The following CLSTN2 variants were observed in gnomAD, a reference collection of about 807,000 sequenced individuals.
CLSTN2 encodes calsyntenin 2.
In CLSTN2, 48 loss-of-function variants were observed where a neutral mutation model predicts 101.2. That is an observed-to-expected ratio of 0.47 (90% confidence interval 0.38 to 0.60). The LOEUF (loss-of-function observed/expected upper bound fraction) is 0.60, where lower values mean the gene tolerates loss of function less well. CLSTN2 is among the 20% of genes least tolerant of loss of function. The pLI, the probability that CLSTN2 is intolerant of heterozygous loss-of-function variation, is 0.00. For missense variants in CLSTN2, 1,160 were observed against 1,238.2 expected (o/e 0.94, Z 0.95); for synonymous variants, 481 against 463.6 (o/e 1.04, Z -0.48).
intron 2 of CLSTN2, among the ~76,000 whole-genome samples, chr3:140,339,309 TTC>T (rs111720072): frequency 6.5e-4 from 97 of 148,768 alleles, no homozygotes; most frequent in Non-Finnish European, 7.6e-4. Context: ...AGCAGACTGA[TTC>T]TCTCTCTCTC....
chr3:140,526,591 CAAACAA>C (rs1576612173), intron 8 of CLSTN2, among the ~76,000 whole-genome samples: 2 of 115,770 alleles, frequency 1.7e-5, no homozygotes, highest in African/African-American at 6.7e-5. Flanking sequence ...AACAAACAAA[CAAACAA>C]AAAAAAAAAA....
At chr3:140,416,787 C>A (rs757988734) in intron 4 of CLSTN2, among the ~76,000 whole-genome samples, 1 of 152,212 alleles carries the variant, frequency 6.6e-6, no homozygotes, top group Non-Finnish European at 1.5e-5. Context: ...GGTAGGCTCT[C>A]AACGACACCC....
chr3:140,261,714 G>A (rs1409341655), intron 2 of CLSTN2, among the ~76,000 whole-genome samples: 2 of 152,142 alleles, frequency 1.3e-5, no homozygotes, highest in Non-Finnish European at 2.9e-5. Flanking sequence ...GTGTGTGTGT[G>A]TTACTATCTG....
At chr3:140,254,614 T>C (rs6782976) in intron 2 of CLSTN2, among the ~76,000 whole-genome samples, 23,193 of 152,046 alleles carry the variant, frequency 0.15, 3,881 homozygotes, top group African/African-American at 0.42. Context: ...GTGAGAAAAT[T>C]TAGGCATACA....
At chr3:140,154,285 G>A (rs1447981571) in intron 1 of CLSTN2, among the ~76,000 whole-genome samples, 1 of 152,076 alleles carries the variant, frequency 6.6e-6, no homozygotes, top group Admixed American at 6.5e-5. Flanking sequence ...CTGGTTGGGG[G>A]AACATCTAGT....
chr3:140,289,863 A>G (rs1345444877), intron 2 of CLSTN2, among the ~76,000 whole-genome samples: 1 of 151,814 alleles, frequency 6.6e-6, no homozygotes, highest in Non-Finnish European at 1.5e-5. Flanking sequence ...AAAATATAAA[A>G]TTTTATAAGG....
At chr3:140,042,296 A>G (rs2007776071) in intron 1 of CLSTN2, among the ~76,000 whole-genome samples, 1 of 152,124 alleles carries the variant, frequency 6.6e-6, no homozygotes, top group African/African-American at 2.4e-5. Context: ...AGTTATCCAT[A>G]TTGAGTATTG....
At chr3:140,470,801 T>C (rs1203170055) in intron 8 of CLSTN2, among the ~76,000 whole-genome samples, 1 of 152,142 alleles carries the variant, frequency 6.6e-6, no homozygotes, top group Non-Finnish European at 1.5e-5. Flanking sequence ...ATGGAGCCGG[T>C]GGCAGGGGCT....
chr3:139,952,790 A>G (rs1020002833), intron 1 of CLSTN2, among the ~76,000 whole-genome samples: 1 of 152,154 alleles, frequency 6.6e-6, no homozygotes, highest in African/African-American at 2.4e-5. Flanking sequence ...GATTATATTA[A>G]GGTCCCAACA....
intron 4 of CLSTN2, among the ~76,000 whole-genome samples, chr3:140,411,158 C>G (rs2088358604): frequency 6.6e-6 from 1 of 152,012 alleles, no homozygotes. Context: ...AAACAAGACC[C>G]AACTATATGA....
chr3:140,317,821 GT>G (rs1464280543), intron 2 of CLSTN2, among the ~76,000 whole-genome samples: 1 of 152,146 alleles, frequency 6.6e-6, no homozygotes, highest in East Asian at 1.9e-4. Context: ...GCCTCCCCCA[GT>G]TTTGTAATTT....
chr3:140,068,349 C>T (rs1488625809), intron 1 of CLSTN2, among the ~76,000 whole-genome samples: 8 of 152,152 alleles, frequency 5.3e-5, no homozygotes, highest in Non-Finnish European at 1.0e-4. Flanking sequence ...ACTCAATGAA[C>T]CCTTTTAGAG....
intron 1 of CLSTN2, among the ~76,000 whole-genome samples, chr3:140,144,885 C>A (rs2009758101): frequency 6.6e-6 from 1 of 152,216 alleles, no homozygotes; most frequent in South Asian, 2.1e-4. Flanking sequence ...AACAACTTCC[C>A]TTTCTCTGGG....
intron 5 of CLSTN2, among the ~76,000 whole-genome samples, chr3:140,430,895 C>A (rs1481403188): frequency 6.6e-6 from 1 of 152,116 alleles, no homozygotes; most frequent in Non-Finnish European, 1.5e-5. Context: ...ATATGGAATT[C>A]AAATTCGTAT....
intron 2 of CLSTN2, among the ~76,000 whole-genome samples, chr3:140,247,754 C>T (rs1184573057): frequency 2.6e-5 from 4 of 152,102 alleles, no homozygotes; most frequent in Non-Finnish European, 5.9e-5. Flanking sequence ...CCTCACAGTC[C>T]CTCCTAGAGA....
rs149513884 is a variant in CLSTN2 at position 140,400,843 on chromosome 3, G to C, written c.233-2786G>C. On this transcript the variant is annotated intron_variant, in intron 2 of 16. Coordinates refer to ENST00000458420, the MANE Select transcript of CLSTN2 (RefSeq NM_022131.3). ...CCTCCACTCCTGCCACACTGGGCCT[G>C]CGGTCCCTTGGACTCACCATGTTCC... Among the ~76,000 whole-genome samples, 35 of 152,324 alleles carry C rather than the reference G, an allele frequency of 2.3e-4. No individual in the cohort carries two copies. In the East Asian group the frequency reaches 6.0e-3, roughly 26 times the overall value.
chr3:140,295,517 C>A (rs2086994299), intron 2 of CLSTN2, among the ~76,000 whole-genome samples: 1 of 152,046 alleles, frequency 6.6e-6, no homozygotes, highest in Admixed American at 6.5e-5. Flanking sequence ...AAGTTTTGAT[C>A]CATCTGAAAT....
chr3:140,227,592 G>A (rs141253508), intron 2 of CLSTN2, among the ~76,000 whole-genome samples: 20 of 152,306 alleles, frequency 1.3e-4, no homozygotes, highest in Non-Finnish European at 2.2e-4. Flanking sequence ...GCCCCAGGAG[G>A]GACTCTGTAT....
intron 1 of CLSTN2, among the ~76,000 whole-genome samples, chr3:140,113,031 G>A (rs1576431155): frequency 6.6e-6 from 1 of 152,182 alleles, no homozygotes; most frequent in South Asian, 2.1e-4. Flanking sequence ...GTCTTCTGCT[G>A]GAGCCAGTGC....
Sources: gnomAD v4.1 joint callset for allele counts (sites outside exome capture counted in the v4.1 genomes callset) on GRCh38, gnomAD v4.1.1 for gene constraint, MANE v1.5 for transcripts, NCBI Gene and HGNC (gene_info 2026-07-23, HGNC 2026-07-21) for gene names.